Variants in ARL16 observed in about 807,000 individuals in gnomAD.
The protein encoded by ARL16 is ARF like GTPase 16, also known as ADP-ribosylation factor-like protein 16.
A neutral mutation model predicts 14.1 loss-of-function variants in ARL16; 21 were observed. That is an observed-to-expected ratio of 1.48 (90% confidence interval 1.05 to 2.14). ARL16 has a LOEUF of 2.14. ARL16 is among the 30% of genes most tolerant of loss of function. ARL16 has a pLI of 0.00. For missense variants in ARL16, 248 were observed against 222.0 expected, an observed-to-expected ratio of 1.12 and a Z score of -0.74; for synonymous variants, 122 against 91.8, an observed-to-expected ratio of 1.33 and a Z score of -1.88.
In ARL16 at chr17:81,682,167, GAC is replaced by G. The variant is rs1224006969; in HGVS notation, c.235-20_235-19del. On this transcript the variant is annotated intron_variant, in intron 3 of 4. Coordinates refer to ENST00000622299, the MANE Select transcript of ARL16 (RefSeq NM_001040025.3). ...ATCACAAACTGGGGAAAAAGAAAAA[GAC>G]AGCAGCAATGCCCCGCTGCCAAACT... 1.3e-6 allele frequency: 2 copies of G among 1,576,350 alleles called. No individual in the cohort carries two copies. The highest frequency in any genetic ancestry group is 2.7e-5 in the African/African-American group (2 of 73,460).
intron 2 of ARL16, 129 bp downstream of exon 2, chr17:81,683,407 C>T: frequency 1.6e-6 from 2 of 1,252,796 alleles, no homozygotes; most frequent in Non-Finnish European, 2.1e-6. Flanking sequence ...CCGTCCCCCG[C>T]TCCCGAAGGC....
At chr17:81,682,341 C>G in intron 3 of ARL16, 192 bp from the exon 4 acceptor site, 1 of 446,974 alleles carries the variant, frequency 2.2e-6, no homozygotes, top group South Asian at 3.0e-5. Flanking sequence ...GTTCAGGGTT[C>G]AAGTGATTCT....
In ARL16 at chr17:81,683,577, C is replaced by A. The variant is rs1352829154; in HGVS notation, c.79G>T (p.Gly27Trp). The change falls in exon 2 of 5, where the codon GGG becomes TGG. Residue 27 changes from glycine to tryptophan, a missense_variant. Physicochemically the swap from Gly to Trp is radical, Grantham distance 184 (BLOSUM62 -2). Coordinates refer to ENST00000622299, the MANE Select transcript of ARL16 (RefSeq NM_001040025.3). ...KRLQEVSSRDGKGDLGEPPPT... is the reference protein window; with the variant it reads ...KRLQEVSSRDWKGDLGEPPPT... The stretch of plus-strand genomic sequence containing the variant: ...GGCGGCTCCCCCAGGTCGCCTTTCC[C>A]ATCCCGGGAGCTCACCTGTGCGAAG... 3 of 1,603,810 alleles carry A rather than the reference C, an allele frequency of 1.9e-6. No individual in the cohort carries two copies. Among genetic ancestry groups the A allele is most frequent in the Non-Finnish European group, 2.6e-6 (3 of 1,176,412 alleles).
chr17:81,682,749 A>T, intron 3 of ARL16: 1 of 503,712 alleles, frequency 2.0e-6, no homozygotes, highest in Non-Finnish European at 3.5e-6. Context: ...AGTGACACAG[A>T]GGGCCAAGTC....
Position 81,682,729 on chromosome 17 carries a change from C to A in ARL16, c.234+284G>T, listed in dbSNP as rs117401813. Reference sequence around the variant, plus strand: ...CGTATAAGTCCAACATAAACACAGACGTACCGGGGAGTGACACAGAGGGCC... The same window carrying A: ...CGTATAAGTCCAACATAAACACAGAAGTACCGGGGAGTGACACAGAGGGCC... On this transcript the variant is annotated intron_variant, in intron 3 of 4. Transcript: ENST00000622299. 25 of 460,262 alleles carry A rather than the reference C, an allele frequency of 5.4e-5. No individual in the cohort carries two copies. In the South Asian group the frequency reaches 6.7e-4, roughly 12 times the overall value. 28.5% of individuals were successfully genotyped at this position (460,262 alleles called of 1,614,324 possible).
rs1263320576 is a variant in ARL16, at chr17:81,683,724, G to A, written c.30C>T (p.Val10=). MCLLLGATG[V]GKTLLVKRLQ... is the part of the protein sequence containing the mutation. Reference sequence around the variant, plus strand: ...GCCGTTTCACCAGCAGCGTCTTCCCGACGCCCGTGGCCCCCAGCAGGAGAC... The same window carrying A: ...GCCGTTTCACCAGCAGCGTCTTCCCAACGCCCGTGGCCCCCAGCAGGAGAC... Residue 10 remains valine, a synonymous_variant, in exon 1 of 5, where the codon GTC becomes GTT. Coordinates refer to ENST00000622299, the MANE Select transcript of ARL16 (RefSeq NM_001040025.3). The A allele has an allele frequency of 8.7e-6, 14 of 1,607,248 alleles. No individual in the cohort carries two copies. The Admixed American group carries it at 2.0e-4, about 23-fold the overall frequency.
intron 3 of ARL16, chr17:81,682,735 G>C: frequency 2.1e-6 from 1 of 477,774 alleles, no homozygotes; most frequent in South Asian, 2.7e-5. Flanking sequence ...CAGACGTACC[G>C]GGGAGTGACA....
chr17:81,682,980 C>T (rs1242732984), intron 3 of ARL16, 33 bp downstream of exon 3: 5 of 1,580,876 alleles, frequency 3.2e-6, no homozygotes, highest in East Asian at 2.2e-5. Flanking sequence ...GACACACTTC[C>T]CTAAAGGAAG....
chr17:81,682,927 TC>T, intron 3 of ARL16, 85 bp downstream of exon 3: 1 of 1,235,622 alleles, frequency 8.1e-7, no homozygotes, highest in African/African-American at 1.5e-5. Context: ...CAAACCCCTT[TC>T]TACACACAGC....
In ARL16 at chr17:81,683,647, C is replaced by G. The variant is rs761806625; in HGVS notation, c.61+46G>C. The G allele has an allele frequency of 8.8e-6, 14 of 1,590,890 alleles. No individual in the cohort carries two copies. In the East Asian group the frequency reaches 2.1e-4, roughly 23 times the overall value. On this transcript the variant is annotated intron_variant, in intron 1 of 4. Transcript: ENST00000622299. ...CTAAAGGGTGAGTCCCCGCCCCACT[C>G]CGGGTGCCCCCCGCGCCCCGGTCCC...
chr17:81,683,761 T>G lies in ARL16; in HGVS notation c.-8A>C, dbSNP rs781356419. 1.9e-6 allele frequency: 3 copies of G among 1,607,682 alleles called. No homozygotes were observed. The South Asian group carries it at 3.3e-5, about 18-fold the overall frequency. On this transcript the variant is annotated 5_prime_UTR_variant, in exon 1 of 5. Transcript: ENST00000622299. ...CCCCAGCAGGAGACACATTCCGTGC[T>G]TCGCTCCACCCGGCACCCGTAGCTC...
In ARL16 at chr17:81,682,897, A is replaced by T. The variant is rs774648095; in HGVS notation, c.234+116T>A. On this transcript the variant is annotated intron_variant, in intron 3 of 4. Coordinates refer to ENST00000622299, the MANE Select transcript of ARL16 (RefSeq NM_001040025.3). ...CTAGCTAAGACCTATTTCCATGAGT[A>T]GTATAGTCACTAAATAACCCAAACC... The T allele has an allele frequency of 3.3e-6, 3 of 916,238 alleles. No individual in the cohort carries two copies. In the East Asian group the frequency reaches 7.3e-5, roughly 22 times the overall value. 56.8% of individuals were successfully genotyped at this position (916,238 alleles called of 1,614,324 possible). A position where few individuals can be genotyped will look rare whatever the true frequency, so the allele number is the denominator to read the frequency against.
rs1384411755 is a variant in ARL16 at position 81,681,335 on chromosome 17, G to A, written c.*373C>T. On this transcript the variant is annotated 3_prime_UTR_variant, in exon 5 of 5. Coordinates refer to ENST00000622299, the MANE Select transcript of ARL16 (RefSeq NM_001040025.3). The stretch of plus-strand genomic sequence containing the variant: ...TCCTGTCTCAGCCTCCCAAGTAGCT[G>A]AGATTACAGGCATGCACCAGCACAC... 1 of 165,810 alleles carries A rather than the reference G, an allele frequency of 6.0e-6. No individual in the cohort carries two copies. The highest frequency in any genetic ancestry group is 2.4e-5 in the African/African-American group (1 of 41,642). 10.3% of individuals were successfully genotyped at this position (165,810 alleles called of 1,614,324 possible).
chr17:81,683,750 A>T lies in ARL16; in HGVS notation c.4T>A (p.Cys2Ser), dbSNP rs758186447. Reference sequence around the variant, plus strand: ...ACGCCCGTGGCCCCCAGCAGGAGACACATTCCGTGCTTCGCTCCACCCGGC... The same window carrying T: ...ACGCCCGTGGCCCCCAGCAGGAGACTCATTCCGTGCTTCGCTCCACCCGGC... M[C>S]LLLGATGVGK... Residue 2 changes from cysteine to serine, a missense_variant, in exon 1 of 5, where the codon TGT becomes AGT. Cys to Ser is a moderately radical substitution (Grantham distance 112). Transcript: ENST00000622299. 5.6e-6 allele frequency: 9 copies of T among 1,608,190 alleles called. No individual in the cohort carries two copies. The highest frequency in any genetic ancestry group is 1.7e-5 in the Admixed American group (1 of 59,724).
Position 81,681,225 on chromosome 17 carries a change from G to A in ARL16, c.*483C>T, listed in dbSNP as rs34916632. The A allele has an allele frequency of 0.01, 1,557 of 152,778 alleles. 12 individuals carry two copies. The highest frequency in any genetic ancestry group is 0.012 in the Non-Finnish European group (838 of 68,458). 9.5% of individuals were successfully genotyped at this position (152,778 alleles called of 1,614,324 possible). A position where few individuals can be genotyped will look rare whatever the true frequency, so the allele number is the denominator to read the frequency against. On this transcript the variant is annotated 3_prime_UTR_variant, in exon 5 of 5. Coordinates refer to ENST00000622299, the MANE Select transcript of ARL16 (RefSeq NM_001040025.3). ...TTTTATTTCTTATATTTTTTAAGACGGAGTTTCACTCTTGTTGCCCAGGTG... is the reference window on the plus strand; with the variant it reads ...TTTTATTTCTTATATTTTTTAAGACAGAGTTTCACTCTTGTTGCCCAGGTG...
rs1362432219 is a variant in ARL16, at chr17:81,682,955, C to T, written c.234+58G>A. 3 of 1,458,618 alleles carry T rather than the reference C, an allele frequency of 2.1e-6. No homozygotes were observed. In the East Asian group the frequency reaches 6.8e-5, roughly 33 times the overall value. The allele number at this position is 1,458,618 out of a possible 1,614,324, so 90.4% of individuals were successfully genotyped here. ...ACACACAGCAAGGTTGGGGACTGGA[C>T]GTCACAGAAATGTAGACACACTTCC... On this transcript the variant is annotated intron_variant, in intron 3 of 4. Coordinates refer to ENST00000622299, the MANE Select transcript of ARL16 (RefSeq NM_001040025.3).
chr17:81,682,256 A>C (rs142334305), intron 3 of ARL16, 107 bp from the exon 4 acceptor site: 3 of 793,384 alleles, frequency 3.8e-6, no homozygotes, highest in Middle Eastern at 2.4e-4. Context: ...TTAATTAATT[A>C]ATTTATTTTT....
chr17:81,681,948 C>T lies in ARL16; in HGVS notation c.351-69G>A. The stretch of plus-strand genomic sequence containing the variant: ...ACCTGCCCCGGACCCCCAGCTGCAC[C>T]ACCTCCCTACCGAGCCATGCTTCCG... On this transcript the variant is annotated intron_variant, in intron 4 of 4. Transcript: ENST00000622299. The T allele has an allele frequency of 3.2e-6, 5 of 1,560,456 alleles. No homozygotes were observed. In the South Asian group the frequency reaches 5.9e-5, roughly 18 times the overall value.
Position 81,683,005 on chromosome 17 carries a change from C to T in ARL16, c.234+8G>A. On this transcript the variant is annotated splice_region_variant and intron_variant, in intron 3 of 4. Transcript: ENST00000622299. ...CCTAAAGGAAGCCCATATAGGATTACAACCCACCAGGAGAGAACGGCAGTT... is the reference window on the plus strand; with the variant it reads ...CCTAAAGGAAGCCCATATAGGATTATAACCCACCAGGAGAGAACGGCAGTT... 6.2e-7 allele frequency: 1 copy of T among 1,611,668 alleles called. No homozygotes were observed. The highest frequency in any genetic ancestry group is 1.1e-5 in the South Asian group (1 of 91,032).
Sources: allele counts gnomAD v4.1 joint callset, GRCh38; gene constraint gnomAD v4.1.1; transcripts MANE v1.5; gene names NCBI Gene and HGNC (gene_info 2026-07-23, HGNC 2026-07-21).